The following BMPER variants were observed in gnomAD, a reference collection of about 807,000 sequenced individuals.
The protein encoded by BMPER is BMP binding endothelial regulator.
BMPER carries 45 observed loss-of-function variants against 87.3 expected under a neutral mutation model. The ratio of observed to expected loss-of-function variants is 0.52; its 90% CI spans 0.41 to 0.66. The LOEUF (loss-of-function observed/expected upper bound fraction) is 0.66, where lower values mean the gene tolerates loss of function less well. Among genes scored for constraint, BMPER ranks in the 30% least tolerant of loss-of-function variants. The pLI, the probability that BMPER is intolerant of heterozygous loss-of-function variation, is 0.00. For synonymous variants in BMPER, 326 were observed against 316.2 expected (o/e 1.03, Z -0.33); for missense variants, 784 against 867.5 (o/e 0.90, Z 1.21).
chr7:34,128,946 T>A (rs1307386766), intron 13 of BMPER, among the ~76,000 whole-genome samples: 1 of 152,176 alleles, frequency 6.6e-6, no homozygotes, highest in Non-Finnish European at 1.5e-5. Flanking sequence ...GACTCTATGA[T>A]TCTATAATTC....
At chr7:34,025,046 G>A (rs747126668) in intron 6 of BMPER, among the ~76,000 whole-genome samples, 1 of 152,018 alleles carries the variant, frequency 6.6e-6, no homozygotes, top group Non-Finnish European at 1.5e-5. Flanking sequence ...AATGATTCAG[G>A]TGTTCTATTT....
At chr7:33,992,596 T>C (rs1470954669) in intron 6 of BMPER, among the ~76,000 whole-genome samples, 2 of 149,346 alleles carry the variant, frequency 1.3e-5, no homozygotes. Context: ...GTCTTTTAAT[T>C]GGAGCATTTA....
At chr7:33,975,149 T>C (rs1266819128) in intron 6 of BMPER, among the ~76,000 whole-genome samples, 3 of 152,200 alleles carry the variant, frequency 2.0e-5, no homozygotes, top group Non-Finnish European at 2.9e-5. Flanking sequence ...CTCTGAAGCA[T>C]GAGGGAGAGG....
intron 6 of BMPER, among the ~76,000 whole-genome samples, chr7:33,989,487 T>A (rs1036792028): frequency 6.6e-6 from 1 of 152,216 alleles, no homozygotes; most frequent in South Asian, 2.1e-4. Flanking sequence ...GTAAATTTGT[T>A]TGAGTTCATT....
intron 2 of BMPER, among the ~76,000 whole-genome samples, chr7:33,923,579 G>A (rs1192607517): frequency 6.6e-6 from 1 of 152,144 alleles, no homozygotes; most frequent in Non-Finnish European, 1.5e-5. Context: ...CTCAAATAGT[G>A]GGTAGCAACC....
chr7:33,954,125 C>T lies in BMPER; in HGVS notation c.320-12354C>T, dbSNP rs371896859. Reference sequence around the variant, plus strand: ...CTAGGTGGTTCTGATGTTCAGCAGGCTTGGGATCCCCTGGAATGAATGTTC... The same window carrying T: ...CTAGGTGGTTCTGATGTTCAGCAGGTTTGGGATCCCCTGGAATGAATGTTC... On this transcript the variant is annotated intron_variant, in intron 3 of 14. Coordinates refer to ENST00000649409, the MANE Select transcript of BMPER (RefSeq NM_001365308.1). Among the ~76,000 whole-genome samples, 14 of 152,098 alleles carry T rather than the reference C, an allele frequency of 9.2e-5. No homozygotes were observed. The East Asian group carries it at 1.2e-3, about 13-fold the overall frequency.
intron 2 of BMPER, among the ~76,000 whole-genome samples, chr7:33,918,877 T>C (rs903272127): frequency 6.6e-6 from 1 of 152,140 alleles, no homozygotes; most frequent in East Asian, 1.9e-4. Flanking sequence ...GTGACTCAAA[T>C]GAGAAGTTGT....
chr7:34,038,521 CTT>C lies in BMPER; in HGVS notation c.577-7784_577-7783del, dbSNP rs555193303. Among the ~76,000 whole-genome samples, 26 of 152,260 alleles carry C rather than the reference CTT, an allele frequency of 1.7e-4. No individual in the cohort carries two copies. The East Asian group carries it at 3.9e-3, about 23-fold the overall frequency. On this transcript the variant is annotated intron_variant, in intron 6 of 14. Coordinates refer to ENST00000649409, the MANE Select transcript of BMPER (RefSeq NM_001365308.1). ...TTGTTTTAAGACACTCCATTTGTAA[CTT>C]ATCATAGCAGCAATAGAAAACTTAA... is the stretch of plus-strand genomic sequence containing the variant.
intron 6 of BMPER, among the ~76,000 whole-genome samples, chr7:34,020,787 G>A (rs1787158370): frequency 6.6e-6 from 1 of 151,278 alleles, no homozygotes; most frequent in African/African-American, 2.4e-5. Context: ...ATAAGGATAG[G>A]GAAAGCAATT....
intron 6 of BMPER, among the ~76,000 whole-genome samples, chr7:34,044,025 C>G (rs990488195): frequency 7.2e-5 from 11 of 152,170 alleles, no homozygotes; most frequent in Admixed American, 6.5e-4. Flanking sequence ...TAGGAAGGGC[C>G]TGGACTTTCT....
rs940660068 is a variant in BMPER, at chr7:34,141,111, G to A, written c.1746-2119G>A. On this transcript the variant is annotated intron_variant, in intron 13 of 14. Transcript: ENST00000649409. ...GGGTGTGGGTTATTCTGAAATGAAA[G>A]TTGAAACAACAAAGGGAAATGACAT... is the stretch of plus-strand genomic sequence containing the variant. Among the ~76,000 whole-genome samples, 6 of 152,178 alleles carry A rather than the reference G, an allele frequency of 3.9e-5. No homozygotes were observed. In the South Asian group the frequency reaches 1.2e-3, roughly 32 times the overall value.
chr7:34,126,219 T>G (rs1488154516), intron 13 of BMPER, among the ~76,000 whole-genome samples: 1 of 152,176 alleles, frequency 6.6e-6, no homozygotes, highest in African/African-American at 2.4e-5. Context: ...CCTGGAAGAT[T>G]GTTCCAGATG....
intron 14 of BMPER, among the ~76,000 whole-genome samples, chr7:34,145,016 G>T (rs773713476): frequency 2.0e-5 from 3 of 152,218 alleles, no homozygotes; most frequent in Non-Finnish European, 2.9e-5. Flanking sequence ...AGACCTGTGA[G>T]TTATAACCTG....
chr7:34,147,025 C>A (rs1292336290), intron 14 of BMPER, among the ~76,000 whole-genome samples: 2 of 152,198 alleles, frequency 1.3e-5, no homozygotes, highest in African/African-American at 4.8e-5. Context: ...ATAACTGATA[C>A]TAATTGTCAC....
At chr7:33,994,355 G>A (rs4720148) in intron 6 of BMPER, among the ~76,000 whole-genome samples, 120,571 of 152,184 alleles carry the variant, frequency 0.79, 47,821 homozygotes, top group East Asian at 0.85. Flanking sequence ...GGAAAAGCGC[G>A]GTATTCGGGT....
At chr7:34,122,571 A>G (rs76763325) in intron 13 of BMPER, among the ~76,000 whole-genome samples, 2,869 of 152,294 alleles carry the variant, frequency 0.019, 75 homozygotes, top group African/African-American at 0.064. Context: ...AGTCCTGTAG[A>G]GCAAAAGCCA....
At position 33,925,061 on chromosome 7, in the gene BMPER, T is replaced by C. The variant is rs114491848; in HGVS notation, c.220-12228T>C. 9.8e-3 allele frequency among the ~76,000 whole-genome samples: 1,479 copies of C among 151,664 alleles called. 28 individuals carry two copies. Among genetic ancestry groups the C allele is most frequent in the African/African-American group, 0.034 (1,397 of 41,478 alleles). On this transcript the variant is annotated intron_variant, in intron 2 of 14. Coordinates refer to ENST00000649409, the MANE Select transcript of BMPER (RefSeq NM_001365308.1). ...TTCTCAGAGCCCTCCCTAGTGCCCATGAGATCATGCGTGGGTGTGTTCCCT... is the reference window on the plus strand; with the variant it reads ...TTCTCAGAGCCCTCCCTAGTGCCCACGAGATCATGCGTGGGTGTGTTCCCT...
At chr7:33,940,940 A>G (rs1784740577) in intron 3 of BMPER, among the ~76,000 whole-genome samples, 1 of 136,800 alleles carries the variant, frequency 7.3e-6, no homozygotes, top group South Asian at 2.1e-4. Context: ...AATAGAATTT[A>G]TATATGTAAC....
chr7:34,007,918 T>C (rs145570326), intron 6 of BMPER, among the ~76,000 whole-genome samples: 106 of 152,070 alleles, frequency 7.0e-4, no homozygotes, highest in African/African-American at 2.4e-3. Context: ...TTCACCTCCA[T>C]TGAGAGTGTA....
Sources: allele counts gnomAD v4.1 joint callset (sites outside exome capture counted in the v4.1 genomes callset), GRCh38; gene constraint gnomAD v4.1.1; transcripts MANE v1.5; gene names NCBI Gene and HGNC (gene_info 2026-07-23, HGNC 2026-07-21).